FRMD4A: variants seen among roughly 807,000 people sequenced by gnomAD.
FRMD4A encodes FERM domain containing 4A.
FRMD4A carries 29 observed loss-of-function variants against 129.1 expected under a neutral mutation model. The ratio of observed to expected loss-of-function variants is 0.22; its 90% CI spans 0.17 to 0.31. FRMD4A has a LOEUF of 0.31. Among genes scored for constraint, FRMD4A ranks in the 10% least tolerant of loss-of-function variants. FRMD4A has a pLI of 1.00. For missense variants in FRMD4A, 1,272 were observed against 1,375.8 expected (o/e 0.92, Z 1.19); for synonymous variants, 634 against 571.6 (o/e 1.11, Z -1.56).
intron 2 of FRMD4A, among the ~76,000 whole-genome samples, chr10:13,989,722 T>C (rs17314739): frequency 0.063 from 9,548 of 152,226 alleles, 375 homozygotes; most frequent in Non-Finnish European, 0.083. Flanking sequence ...AGACAGCCTA[T>C]TGATGATGAG....
At chr10:13,756,793 T>C (rs893357676) in intron 8 of FRMD4A, among the ~76,000 whole-genome samples, 1 of 152,192 alleles carries the variant, frequency 6.6e-6, no homozygotes. Context: ...AGGTCCCTTA[T>C]AGACAAAAAC....
At chr10:14,203,292 C>T (rs897931521) in intron 2 of FRMD4A, among the ~76,000 whole-genome samples, 1 of 152,188 alleles carries the variant, frequency 6.6e-6, no homozygotes, top group Admixed American at 6.5e-5. Context: ...CTGACTACAA[C>T]GTCGTTTCCC....
At position 13,877,218 on chromosome 10, in the gene FRMD4A, A is replaced by G. The variant is rs577604480; in HGVS notation, c.46-18306T>C. Among the ~76,000 whole-genome samples the G allele has an allele frequency of 6.6e-5, 10 of 152,304 alleles. No homozygotes were observed. The East Asian group carries it at 1.9e-3, about 29-fold the overall frequency. ...GGGTCTTTGGTGGCTCTTGACATAC[A>G]GTAGGAAAATGGCCACCTATGAGGT... On this transcript the variant is annotated intron_variant, in intron 2 of 24. Transcript: ENST00000357447.
intron 3 of FRMD4A, among the ~76,000 whole-genome samples, chr10:13,841,722 C>T (rs1035052344): frequency 1.3e-5 from 2 of 152,118 alleles, no homozygotes; most frequent in African/African-American, 4.8e-5. Context: ...ATTTGGTGGG[C>T]CCTGGCTAGC....
In FRMD4A at chr10:13,821,716, A is replaced by G. The variant is rs2093632035; in HGVS notation, c.112-10808T>C. The stretch of plus-strand genomic sequence containing the variant: ...GCAACTCGCCAAATTCACACAGCGA[A>G]TCAGTGGGAGAACTGAACCGCGGCA... On this transcript the variant is annotated intron_variant, in intron 3 of 24. Coordinates refer to ENST00000357447, the MANE Select transcript of FRMD4A (RefSeq NM_018027.5). This position sits in a 1 kb window ranked among gnomAD's most constrained non-coding sequence, Gnocchi z 4.3. 6.6e-6 allele frequency among the ~76,000 whole-genome samples: 1 copy of G among 152,202 alleles called. No individual in the cohort carries two copies. Among genetic ancestry groups the G allele is most frequent in the African/African-American group, 2.4e-5 (1 of 41,450 alleles).
intron 2 of FRMD4A, among the ~76,000 whole-genome samples, chr10:14,329,082 G>T (rs1186691760): frequency 6.6e-6 from 1 of 152,192 alleles, no homozygotes. Context: ...GCTTCCCACT[G>T]ACGGCTCTTC....
rs546607970 is a variant in FRMD4A at position 14,040,087 on chromosome 10, C to T, written c.46-181175G>A. Among the ~76,000 whole-genome samples, 7 of 152,188 alleles carry T rather than the reference C, an allele frequency of 4.6e-5. 1 individual carries two copies. In the South Asian group the frequency reaches 1.2e-3, roughly 27 times the overall value. The stretch of plus-strand genomic sequence containing the variant: ...ATGGTGCTTAATTATTTTTACCATC[C>T]TTGTTTTACAGATGGAGAAACTCAG... On this transcript the variant is annotated intron_variant, in intron 2 of 24. Coordinates refer to ENST00000357447, the MANE Select transcript of FRMD4A (RefSeq NM_018027.5).
At chr10:13,919,226 G>A (rs111590794) in intron 2 of FRMD4A, among the ~76,000 whole-genome samples, 1,811 of 152,324 alleles carry the variant, frequency 0.012, 34 homozygotes, top group African/African-American at 0.042. Context: ...AGCGCCATAA[G>A]TTTTAAACAA....
rs2095501530 is a variant in FRMD4A at position 13,968,924 on chromosome 10, A to C, written c.46-110012T>G. Among the ~76,000 whole-genome samples the C allele has an allele frequency of 2.0e-5, 3 of 152,312 alleles. No homozygotes were observed. In the South Asian group the frequency reaches 6.2e-4, roughly 32 times the overall value. The stretch of plus-strand genomic sequence containing the variant: ...TTTCTCAAATCCTCTATTTGTTGAA[A>C]TGCAGTTCTTGCGTTCTTGGCTCTT... On this transcript the variant is annotated intron_variant, in intron 2 of 24. Coordinates refer to ENST00000357447, the MANE Select transcript of FRMD4A (RefSeq NM_018027.5).
chr10:13,737,334 C>T (rs2090691524), intron 12 of FRMD4A, among the ~76,000 whole-genome samples: 1 of 152,216 alleles, frequency 6.6e-6, no homozygotes, highest in Admixed American at 6.5e-5. Flanking sequence ...AAGTGATCCA[C>T]CTGCCTCAGG....
chr10:13,770,824 A>G (rs1025892018), intron 6 of FRMD4A, among the ~76,000 whole-genome samples: 4 of 152,164 alleles, frequency 2.6e-5, no homozygotes, highest in African/African-American at 9.7e-5. Context: ...GTTGAAAAAG[A>G]AGGTACCTGT....
At chr10:13,993,658 G>C (rs760895134) in intron 2 of FRMD4A, among the ~76,000 whole-genome samples, 7 of 152,142 alleles carry the variant, frequency 4.6e-5, no homozygotes, top group African/African-American at 7.2e-5. Flanking sequence ...TTAATAAGTT[G>C]TTCTATCAGG....
At chr10:14,288,179 G>A (rs999500410) in intron 2 of FRMD4A, among the ~76,000 whole-genome samples, 3 of 152,034 alleles carry the variant, frequency 2.0e-5, no homozygotes, top group African/African-American at 7.2e-5. Context: ...AGTTTAATCA[G>A]GTTAGTTAGG....
intron 2 of FRMD4A, among the ~76,000 whole-genome samples, chr10:14,067,307 G>A (rs1238315423): frequency 6.6e-6 from 1 of 151,492 alleles, no homozygotes; most frequent in African/African-American, 2.4e-5. Context: ...CAGAGAGAGA[G>A]ACTCCCTCTC....
intron 13 of FRMD4A, among the ~76,000 whole-genome samples, chr10:13,703,066 A>G (rs1042220680): frequency 2.0e-5 from 3 of 152,182 alleles, no homozygotes; most frequent in Non-Finnish European, 2.9e-5. Flanking sequence ...TGGCTTCCAT[A>G]GCAGTTCTTG....
intron 2 of FRMD4A, among the ~76,000 whole-genome samples, chr10:14,070,441 T>C (rs1401575852): frequency 6.6e-6 from 1 of 152,180 alleles, no homozygotes; most frequent in Non-Finnish European, 1.5e-5. Context: ...CAATATTTTA[T>C]TATCGGTTTA....
chr10:14,033,460 C>T (rs1426843053), intron 2 of FRMD4A, among the ~76,000 whole-genome samples: 2 of 152,012 alleles, frequency 1.3e-5, no homozygotes, highest in Admixed American at 1.3e-4. Flanking sequence ...AGGAACCAAC[C>T]TAAGTGTCCA....
At chr10:14,258,187 AT>A in intron 2 of FRMD4A, among the ~76,000 whole-genome samples, 1 of 151,940 alleles carries the variant, frequency 6.6e-6, no homozygotes, top group South Asian at 2.1e-4. Context: ...ACTTCAAAAA[AT>A]ATAGAACTTA....
intron 2 of FRMD4A, among the ~76,000 whole-genome samples, chr10:14,109,351 G>A (rs568191725): frequency 6.6e-6 from 1 of 152,086 alleles, no homozygotes; most frequent in Non-Finnish European, 1.5e-5. Flanking sequence ...TTTCCAGTTT[G>A]TTTCACTGTT....
Sources: gnomAD v4.1 joint callset for allele counts (sites outside exome capture counted in the v4.1 genomes callset) on GRCh38, gnomAD v4.1.1 for gene constraint, Gnocchi (gnomAD v3.1) non-coding constraint, MANE v1.5 for transcripts, NCBI Gene and HGNC (gene_info 2026-07-23, HGNC 2026-07-21) for gene names.